Variants in SYNE2 observed in about 807,000 individuals in gnomAD.
SYNE2 encodes spectrin repeat containing nuclear envelope protein 2.
Under a neutral mutation model 856.3 loss-of-function variants are expected in SYNE2, and 431 were observed. That is an observed-to-expected ratio of 0.50 (90% CI 0.47 to 0.55). SYNE2 has a LOEUF of 0.55. Among genes scored for constraint, SYNE2 ranks in the 20% least tolerant of loss-of-function variants. The pLI is 0.00. For synonymous variants in SYNE2, 2,923 were observed against 2,872.3 expected (o/e 1.02, Z -0.56); for missense variants, 8,129 against 8,023.2 (o/e 1.01, Z -0.50).
intron 87 of SYNE2, among the ~76,000 whole-genome samples, chr14:64,160,067 T>C (rs2098316083): frequency 6.6e-6 from 1 of 152,182 alleles, no homozygotes; most frequent in Admixed American, 6.5e-5. Flanking sequence ...CTGTATGCAG[T>C]TTCAGCCTCT....
chr14:63,989,085 A>G (rs376840180), intron 19 of SYNE2, among the ~76,000 whole-genome samples: 1 of 152,310 alleles, frequency 6.6e-6, no homozygotes, highest in East Asian at 1.9e-4. Context: ...TTTATTAGAC[A>G]TCTGTTTCTA....
At chr14:63,769,910 C>A (rs757439207) in intron 1 of SYNE2, among the ~76,000 whole-genome samples, 1 of 151,358 alleles carries the variant, frequency 6.6e-6, no homozygotes, top group East Asian at 2.0e-4. Context: ...AAAAAAAATT[C>A]TAGGGGCAAC....
rs150105416 is a variant in SYNE2 at position 64,093,428 on chromosome 14, T to G, written c.12056T>G (p.Phe4019Cys). The G allele has an allele frequency of 6.3e-5, 102 of 1,614,036 alleles. No homozygotes were observed. Among genetic ancestry groups the G allele is most frequent in the Admixed American group, 1.7e-4 (10 of 60,000 alleles). ...KQILNNYSAQ[F>C]SLEHMSPDQA... ...ATCTTAAATAATTATTCAGCTCAGTTCTCCCTTGAACATATGTCACCAGAC... is the reference window on the plus strand; with the variant it reads ...ATCTTAAATAATTATTCAGCTCAGTGCTCCCTTGAACATATGTCACCAGAC... The change falls in exon 61 of 116, where the codon TTC (phenylalanine) becomes TGC (cysteine). Residue 4019 changes from phenylalanine to cysteine, a missense_variant. By Grantham distance (205) the Phe-to-Cys change is radical (BLOSUM62 -2). Around this residue, in one of 3 missense-constraint regions of SYNE2, gnomAD observed 5,410 missense variants for 5,284.8 expected, o/e 1.02. Transcript: ENST00000555002.
At chr14:64,141,572 C>T in intron 81 of SYNE2, 49 bp downstream of exon 81, 1 of 1,572,496 alleles carries the variant, frequency 6.4e-7, no homozygotes, top group Non-Finnish European at 8.7e-7. Flanking sequence ...CTTGTTAGCT[C>T]ATAACTCTTT....
chr14:64,003,593 G>T (rs1309402320), intron 30 of SYNE2, among the ~76,000 whole-genome samples: 2 of 152,212 alleles, frequency 1.3e-5, no homozygotes, highest in Non-Finnish European at 2.9e-5. Context: ...TGTACATAAA[G>T]TACTGTACAT....
At chr14:63,928,829 A>G (rs1438063736) in intron 2 of SYNE2, among the ~76,000 whole-genome samples, 2 of 152,172 alleles carry the variant, frequency 1.3e-5, no homozygotes, top group African/African-American at 4.8e-5. Context: ...GAATTTAATT[A>G]TCATCCTTAC....
chr14:64,188,822 A>C, intron 98 of SYNE2, 114 bp downstream of exon 98: 2 of 1,130,176 alleles, frequency 1.8e-6, no homozygotes, highest in East Asian at 5.0e-5. Flanking sequence ...AGCATTTTAG[A>C]AATTTGAAGG....
chr14:64,209,123 TCTCTC>T (rs2098626081), intron 101 of SYNE2, 178 bp downstream of exon 101: 9 of 939,474 alleles, frequency 9.6e-6, no homozygotes, highest in African/African-American at 1.6e-5. Context: ...CGGAGTAATG[TCTCTC>T]CCCAGCTGTC....
At chr14:64,196,900 G>C (rs187517916) in intron 99 of SYNE2, 2 of 152,330 alleles carry the variant, frequency 1.3e-5, no homozygotes, top group East Asian at 3.9e-4. Flanking sequence ...CCTTCCCGCT[G>C]GCATTGCCCT....
At position 64,007,211 on chromosome 14, in the gene SYNE2, G is replaced by A. The variant is rs776852018; in HGVS notation, c.4566G>A (p.Leu1522=). Residue 1522 remains leucine, a synonymous_variant, in exon 31 of 116, where the codon TTG becomes TTA. Transcript: ENST00000555002. ...TCTTGTGGGAGAATACCAAAGCCTT[G>A]GTCACCGAATGGTAAGGAAAAAAAA... is the stretch of plus-strand genomic sequence containing the variant. ...TVVLWENTKA[L]VTECLEQCGR... is the part of the protein sequence containing the mutation. 6.2e-7 allele frequency: 1 copy of A among 1,613,928 alleles called. No homozygotes were observed. The highest frequency in any genetic ancestry group is 8.5e-7 in the Non-Finnish European group (1 of 1,179,910).
At chr14:63,773,277 G>A (rs1886988781) in intron 1 of SYNE2, among the ~76,000 whole-genome samples, 1 of 151,978 alleles carries the variant, frequency 6.6e-6, no homozygotes, top group Admixed American at 6.6e-5. Context: ...ACGGCTCACT[G>A]CAGTCTCAAC....
intron 48 of SYNE2, among the ~76,000 whole-genome samples, chr14:64,053,959 A>C (rs977686560): frequency 3.3e-5 from 5 of 152,068 alleles, no homozygotes; most frequent in African/African-American, 1.2e-4. Flanking sequence ...ACCAAGTGAG[A>C]CTCTGTCTCA....
rs375986948 is a variant in SYNE2, at chr14:63,936,063, T to C, written c.80-4551T>C. On this transcript the variant is annotated intron_variant, in intron 2 of 115. Transcript: ENST00000555002. Reference sequence around the variant, plus strand: ...CTAATTTTTGTATTTTTAATAGAGATGGGGTTTCACCATGTTGGCCACGCT... The same window carrying C: ...CTAATTTTTGTATTTTTAATAGAGACGGGGTTTCACCATGTTGGCCACGCT... Among the ~76,000 whole-genome samples, 1,019 of 152,146 alleles carry C rather than the reference T, an allele frequency of 6.7e-3. 13 individuals carry two copies. Among genetic ancestry groups the C allele is most frequent in the South Asian group, 0.026 (123 of 4,812 alleles).
intron 1 of SYNE2, among the ~76,000 whole-genome samples, chr14:63,905,013 C>T (rs1387992105): frequency 6.6e-6 from 1 of 152,142 alleles, no homozygotes; most frequent in Non-Finnish European, 1.5e-5. Flanking sequence ...GATTCAGTTT[C>T]ATTCTTCAGC....
intron 21 of SYNE2, among the ~76,000 whole-genome samples, chr14:63,992,173 G>C (rs1451835911): frequency 6.6e-6 from 1 of 151,612 alleles, no homozygotes; most frequent in African/African-American, 2.4e-5. Flanking sequence ...AAGAATGAAT[G>C]CTTGTTTTAA....
rs1465109787 is a variant in SYNE2, at chr14:64,138,946, G to GTATGGTGTGTGTGTGTGT, written c.14843+963_14843+964insTATGGTGTGTGTGTGTGT. ...TGTGTGTGTGTGTGTGTGTATGTAT[G>GTATGGTGTGTGTGTGTGT]GTGTGTGTGTGTGTGTGTGTGTGTG... On this transcript the variant is annotated intron_variant, in intron 79 of 115. Transcript: ENST00000555002. Among the ~76,000 whole-genome samples, 41 of 137,782 alleles carry GTATGGTGTGTGTGTGTGT rather than the reference G, an allele frequency of 3.0e-4. 2 individuals carry two copies. Among genetic ancestry groups the GTATGGTGTGTGTGTGTGT allele is most frequent in the African/African-American group, 1.1e-3 (40 of 35,590 alleles). The allele number at this position is 137,782 out of a possible 152,430, so 90.4% of individuals were successfully genotyped here. A position where few individuals can be genotyped will look rare whatever the true frequency, so the allele number is the denominator to read the frequency against.
At chr14:63,862,275 C>T (rs951250) in intron 1 of SYNE2, among the ~76,000 whole-genome samples, 87,320 of 152,134 alleles carry the variant, frequency 0.57, 25,510 homozygotes, top group South Asian at 0.69. Context: ...ATAACATCTA[C>T]TAAAAGTATA....
upstream of SYNE2, chr14:63,852,902 G>C (rs972905072): frequency 1.3e-5 from 2 of 151,824 alleles, no homozygotes; most frequent in African/African-American, 4.8e-5. Flanking sequence ...GCTCTACACT[G>C]GCCGCCGAGG....
At chr14:63,978,662 A>G (rs568941850) in intron 13 of SYNE2, among the ~76,000 whole-genome samples, 190 bp from the exon 14 acceptor site, 3 of 152,200 alleles carry the variant, frequency 2.0e-5, no homozygotes, top group Non-Finnish European at 2.9e-5. Flanking sequence ...TACCTTAGAA[A>G]TGGTTGTTGT....
Sources: gnomAD v4.1 joint callset for allele counts (sites outside exome capture counted in the v4.1 genomes callset) on GRCh38, gnomAD v4.1.1 for gene constraint, gnomAD v4.1.1 regional missense constraint, MANE v1.5 for transcripts, NCBI Gene and HGNC (gene_info 2026-07-23, HGNC 2026-07-21) for gene names.